CMTM8: variants seen among roughly 807,000 people sequenced by gnomAD.
CMTM8 encodes CKLF like MARVEL transmembrane domain containing 8.
Under a neutral mutation model 18.6 loss-of-function variants are expected in CMTM8, and 12 were observed. The observed-to-expected ratio is 0.65, with a 90% CI of 0.41 to 1.05. The LOEUF is 1.05. Ranked by LOEUF, CMTM8 falls within the 50% of genes least tolerant of loss-of-function variation. The pLI is 0.00. For missense variants in CMTM8, 217 were observed against 227.2 expected (o/e 0.95, Z 0.29); for synonymous variants, 87 against 90.6 (o/e 0.96, Z 0.23).
rs185249891 is a variant in CMTM8 at position 32,273,328 on chromosome 3, G to A, written c.147+34209G>A. On this transcript the variant is annotated intron_variant, in intron 1 of 3. Coordinates refer to ENST00000307526, the MANE Select transcript of CMTM8 (RefSeq NM_178868.5). ...AGTATCCCAAGATATGTGTATGTAT[G>A]TGTACACACACACACACACATATAT... Among the ~76,000 whole-genome samples, 136 of 148,924 alleles carry A rather than the reference G, an allele frequency of 9.1e-4. 1 individual carries two copies. The East Asian group carries it at 0.025, about 27-fold the overall frequency.
At chr3:32,344,699 A>AGCCCGG (rs1322963991) in intron 1 of CMTM8, among the ~76,000 whole-genome samples, 1 of 152,290 alleles carries the variant, frequency 6.6e-6, no homozygotes, top group East Asian at 1.9e-4. Flanking sequence ...GTTCGAAGTC[A>AGCCCGG]GCCCGGGCAA....
intron 3 of CMTM8, among the ~76,000 whole-genome samples, chr3:32,369,683 C>T (rs1695610575): frequency 1.3e-5 from 2 of 152,190 alleles, no homozygotes; most frequent in South Asian, 4.1e-4. Context: ...TACAGGCTTT[C>T]AGATGTTCTC....
chr3:32,267,728 C>G (rs1159043550), intron 1 of CMTM8, among the ~76,000 whole-genome samples: 1 of 152,164 alleles, frequency 6.6e-6, no homozygotes, highest in African/African-American at 2.4e-5. Context: ...TATCCAGAAT[C>G]TACAAGGAAC....
chr3:32,363,709 C>CT (rs1559390910), intron 2 of CMTM8, among the ~76,000 whole-genome samples: 1 of 152,146 alleles, frequency 6.6e-6, no homozygotes, highest in Admixed American at 6.6e-5. Context: ...TTCCTTCTTT[C>CT]TTTTTTGGTT....
At chr3:32,254,884 C>T (rs1431419677) in intron 1 of CMTM8, among the ~76,000 whole-genome samples, 1 of 152,104 alleles carries the variant, frequency 6.6e-6, no homozygotes, top group Non-Finnish European at 1.5e-5. Flanking sequence ...AACCCCATAC[C>T]CACTAACATA....
At chr3:32,340,849 G>A (rs1402907378) in intron 1 of CMTM8, among the ~76,000 whole-genome samples, 2 of 152,222 alleles carry the variant, frequency 1.3e-5, no homozygotes, top group African/African-American at 4.8e-5. Context: ...TTCCTCCTGT[G>A]CAGGGACCCA....
intron 1 of CMTM8, among the ~76,000 whole-genome samples, chr3:32,274,578 C>A (rs539774681): frequency 6.6e-6 from 1 of 152,150 alleles, no homozygotes; most frequent in Non-Finnish European, 1.5e-5. Context: ...ACATCACACT[C>A]CTAAATACCC....
intron 1 of CMTM8, among the ~76,000 whole-genome samples, chr3:32,315,557 G>A (rs1443318782): frequency 6.6e-6 from 1 of 152,228 alleles, no homozygotes; most frequent in Non-Finnish European, 1.5e-5. Flanking sequence ...CCCACAGTGG[G>A]ATCCCTGGAA....
At chr3:32,283,757 G>A (rs1357352758) in intron 1 of CMTM8, among the ~76,000 whole-genome samples, 1 of 152,164 alleles carries the variant, frequency 6.6e-6, no homozygotes, top group Non-Finnish European at 1.5e-5. Flanking sequence ...GGAAGGCCCC[G>A]AGGAGGAATA....
intron 2 of CMTM8, among the ~76,000 whole-genome samples, chr3:32,366,936 G>A (rs148829322): frequency 1.2e-4 from 19 of 152,318 alleles, no homozygotes; most frequent in East Asian, 9.6e-4. Flanking sequence ...TGGAGGTGGC[G>A]ACAGGAACAT....
chr3:32,273,860 GT>G (rs112948027), intron 1 of CMTM8, among the ~76,000 whole-genome samples: 2 of 152,076 alleles, frequency 1.3e-5, no homozygotes, highest in African/African-American at 2.4e-5. Flanking sequence ...TCTTGAAGTG[GT>G]TTTAAAAAAA....
chr3:32,280,733 A>G (rs1702594513), intron 1 of CMTM8, among the ~76,000 whole-genome samples: 1 of 151,822 alleles, frequency 6.6e-6, no homozygotes, highest in African/African-American at 2.4e-5. Flanking sequence ...CTGGTAACAT[A>G]AGTAGTCTGG....
chr3:32,284,411 C>G (rs1292406966), intron 1 of CMTM8, among the ~76,000 whole-genome samples: 1 of 152,194 alleles, frequency 6.6e-6, no homozygotes, highest in African/African-American at 2.4e-5. Context: ...GCTGGATGCC[C>G]TCTGCCAGCC....
chr3:32,316,358 C>T (rs1695930994), intron 1 of CMTM8, among the ~76,000 whole-genome samples: 1 of 152,060 alleles, frequency 6.6e-6, no homozygotes, highest in Admixed American at 6.5e-5. Context: ...CAAGTCCATT[C>T]ACTAGTTAAG....
At chr3:32,355,108 C>CAGG (rs1057202737) in intron 1 of CMTM8, among the ~76,000 whole-genome samples, 8 of 152,166 alleles carry the variant, frequency 5.3e-5, no homozygotes, top group Admixed American at 1.3e-4. Context: ...AAAACTGTAC[C>CAGG]AGGAAAGTGG....
At chr3:32,351,342 A>G (rs1430531841) in intron 1 of CMTM8, among the ~76,000 whole-genome samples, 1 of 152,242 alleles carries the variant, frequency 6.6e-6, no homozygotes, top group African/African-American at 2.4e-5. Context: ...ACAAAAATAC[A>G]GGAGAATGTT....
intron 1 of CMTM8, among the ~76,000 whole-genome samples, chr3:32,257,011 G>A (rs1702182543): frequency 6.6e-6 from 1 of 152,156 alleles, no homozygotes. Flanking sequence ...GATCTATGGT[G>A]ATATCTCCCT....
intron 1 of CMTM8, among the ~76,000 whole-genome samples, chr3:32,336,964 C>G (rs1370723581): frequency 6.6e-6 from 1 of 152,062 alleles, no homozygotes; most frequent in Non-Finnish European, 1.5e-5. Context: ...TGGTGAGGGC[C>G]TTTTTGCTGG....
intron 1 of CMTM8, among the ~76,000 whole-genome samples, chr3:32,287,246 C>T (rs1702704420): frequency 6.6e-6 from 1 of 152,194 alleles, no homozygotes; most frequent in African/African-American, 2.4e-5. Flanking sequence ...AAGGTAAGAT[C>T]ATCTACATTC....
Sources: allele counts gnomAD v4.1 joint callset (sites outside exome capture counted in the v4.1 genomes callset), GRCh38; gene constraint gnomAD v4.1.1; transcripts MANE v1.5; gene names NCBI Gene and HGNC (gene_info 2026-07-23, HGNC 2026-07-21).